Variants in RXFP1 observed in about 807,000 individuals in gnomAD.
The protein encoded by RXFP1 is relaxin family peptide receptor 1, also known as relaxin receptor 1.
Under a neutral mutation model 89.8 loss-of-function variants are expected in RXFP1, and 73 were observed. The observed-to-expected ratio is 0.81, with a 90% CI of 0.67 to 0.99. RXFP1 has a LOEUF of 0.99. Among genes scored for constraint, RXFP1 ranks in the 50% least tolerant of loss-of-function variants. RXFP1 has a pLI of 0.00. For synonymous variants in RXFP1, 277 were observed against 305.5 expected, an observed-to-expected ratio of 0.91 and a Z score of 0.97; for missense variants, 793 against 895.5, an observed-to-expected ratio of 0.89 and a Z score of 1.46.
At chr4:158,636,809 T>C (rs1201125198) in intron 12 of RXFP1, among the ~76,000 whole-genome samples, 2 of 152,222 alleles carry the variant, frequency 1.3e-5, no homozygotes, top group Non-Finnish European at 2.9e-5. Context: ...TACATTGTTA[T>C]TTGCTATAGT....
At chr4:158,532,909 G>A (rs1744402470) in intron 1 of RXFP1, among the ~76,000 whole-genome samples, 1 of 152,170 alleles carries the variant, frequency 6.6e-6, no homozygotes, top group Non-Finnish European at 1.5e-5. Flanking sequence ...TTTGAGACAA[G>A]AATCACTTCT....
At chr4:158,523,162 T>A (rs936094) in intron 1 of RXFP1, among the ~76,000 whole-genome samples, 1 of 152,086 alleles carries the variant, frequency 6.6e-6, no homozygotes, top group African/African-American at 2.4e-5. Flanking sequence ...AACAATAAAT[T>A]GCAAACCACC....
chr4:158,618,699 CT>C lies in RXFP1; in HGVS notation c.755+1495del, dbSNP rs201251330. Among the ~76,000 whole-genome samples the C allele has an allele frequency of 8.1e-3, 1,232 of 152,096 alleles. 12 individuals carry two copies. The highest frequency in any genetic ancestry group is 0.027 in the African/African-American group (1,130 of 41,514). On this transcript the variant is annotated intron_variant, in intron 9 of 17. Transcript: ENST00000307765. ...TTCTTGGCCAAACATCATTTTAACT[CT>C]GATTTAGGGGAAAAATACATACAAA...
rs1772925231 is a variant in RXFP1 at position 158,652,549 on chromosome 4, T to C, written c.*494T>C. The C allele has an allele frequency of 6.6e-6, 1 of 152,344 alleles. No homozygotes were observed. Among genetic ancestry groups the C allele is most frequent in the South Asian group, 2.1e-4 (1 of 4,836 alleles). 9.4% of individuals were successfully genotyped at this position (152,344 alleles called of 1,614,324 possible). ...TGGAATACTCAGTGTATTTGCATCA[T>C]AGAAAATGTCTGACTGTTTGCAAAA... On this transcript the variant is annotated 3_prime_UTR_variant, in exon 18 of 18. Transcript: ENST00000307765.
chr4:158,574,038 T>G (rs1051479828), intron 2 of RXFP1, among the ~76,000 whole-genome samples: 2 of 152,198 alleles, frequency 1.3e-5, no homozygotes, highest in African/African-American at 4.8e-5. Context: ...CTGGCCAATT[T>G]GAATATGGGA....
At chr4:158,626,116 A>C (rs978806794) in intron 9 of RXFP1, among the ~76,000 whole-genome samples, 55 of 23,886 alleles carry the variant, frequency 2.3e-3, no homozygotes, top group Non-Finnish European at 5.5e-3. Flanking sequence ...ATCTATATAG[A>C]TAGATAGATA....
At chr4:158,617,005 T>A (rs1764715379) in intron 8 of RXFP1, 126 bp from the exon 9 acceptor site, 36 of 569,346 alleles carry the variant, frequency 6.3e-5, no homozygotes, top group East Asian at 1.3e-4. Context: ...AAAAAAAAAA[T>A]TAGAAGGAAA....
At position 158,564,866 on chromosome 4, in the gene RXFP1, C is replaced by T. The variant is rs73860525; in HGVS notation, c.50-7832C>T. 3.9e-3 allele frequency among the ~76,000 whole-genome samples: 588 copies of T among 152,284 alleles called. 2 individuals are homozygous for T. The highest frequency in any genetic ancestry group is 0.013 in the African/African-American group (559 of 41,550). ...ATGGTTCCATGCTAAAAAGGAAATGCTTTTTGTTTTTTACTTTCCCAACGT... is the reference window on the plus strand; with the variant it reads ...ATGGTTCCATGCTAAAAAGGAAATGTTTTTTGTTTTTTACTTTCCCAACGT... On this transcript the variant is annotated intron_variant, in intron 1 of 17. Transcript: ENST00000307765.
intron 1 of RXFP1, among the ~76,000 whole-genome samples, chr4:158,559,757 T>A (rs1752064665): frequency 6.6e-6 from 1 of 152,202 alleles, no homozygotes; most frequent in Admixed American, 6.5e-5. Context: ...CAATGGCAAA[T>A]TGGTATCTTT....
chr4:158,561,412 C>T (rs1752396002), intron 1 of RXFP1, among the ~76,000 whole-genome samples: 1 of 152,060 alleles, frequency 6.6e-6, no homozygotes, highest in Non-Finnish European at 1.5e-5. Flanking sequence ...TGCATAAAAT[C>T]ATTTTAATAT....
rs930577489 is a variant in RXFP1, at chr4:158,605,152, T to A, written c.464+13T>A. On this transcript the variant is annotated intron_variant, in intron 5 of 17. Coordinates refer to ENST00000307765, the MANE Select transcript of RXFP1 (RefSeq NM_021634.4). The stretch of plus-strand genomic sequence containing the variant: ...ATCTTCAGAAGCTGTAAGAAAATAC[T>A]TAATTCCTGGTATTACAATTAACTA... 6.5e-7 allele frequency: 1 copy of A among 1,528,770 alleles called. No homozygotes were observed. The highest frequency in any genetic ancestry group is 9.0e-7 in the Non-Finnish European group (1 of 1,112,790). The allele number at this position is 1,528,770 out of a possible 1,614,324, so 94.7% of individuals were successfully genotyped here.
chr4:158,585,519 A>G (rs1003635129), intron 2 of RXFP1, among the ~76,000 whole-genome samples: 2 of 152,166 alleles, frequency 1.3e-5, no homozygotes, highest in Non-Finnish European at 2.9e-5. Context: ...GGTATGCCTC[A>G]CCCACTTTTC....
chr4:158,646,820 T>C lies in RXFP1; in HGVS notation c.1375T>C (p.Phe459Leu). Residue 459 changes from phenylalanine to leucine, a missense_variant, in exon 16 of 18, where the codon TTC becomes CTC. By Grantham distance (22) the Phe-to-Leu change is conservative. Coordinates refer to ENST00000307765, the MANE Select transcript of RXFP1 (RefSeq NM_021634.4). ...CGACTGCTTAATGGGAATATATTTATTCGTGATCGGAGGCTTTGACCTAAA... is the reference window on the plus strand; with the variant it reads ...CGACTGCTTAATGGGAATATATTTACTCGTGATCGGAGGCTTTGACCTAAA... ...CADCLMGIYL[F>L]VIGGFDLKFR... The C allele has an allele frequency of 6.2e-7, 1 of 1,613,530 alleles. No homozygotes were observed. The highest frequency in any genetic ancestry group is 8.5e-7 in the Non-Finnish European group (1 of 1,179,618).
Position 158,599,372 on chromosome 4 carries a change from T to C in RXFP1, c.333T>C (p.Leu111=), listed in dbSNP as rs1761247455. ...AATGTCTTTGCCAAGGTCTGGAGCT[T>C]GACTGTGATGAAACCAATTTACGAG... The part of the protein sequence containing the change: ...PVQCLCQGLE[L]DCDETNLRAV... Residue 111 remains leucine (L), a synonymous_variant, in exon 4 of 18, where the codon CTT becomes CTC. Coordinates refer to ENST00000307765, the MANE Select transcript of RXFP1 (RefSeq NM_021634.4). The C allele has an allele frequency of 6.2e-7, 1 of 1,613,782 alleles. No homozygotes were observed. Among genetic ancestry groups the C allele is most frequent in the Non-Finnish European group, 8.5e-7 (1 of 1,179,896 alleles).
intron 2 of RXFP1, among the ~76,000 whole-genome samples, chr4:158,578,248 A>G (rs950696855): frequency 1.3e-5 from 2 of 152,160 alleles, no homozygotes; most frequent in African/African-American, 4.8e-5. Context: ...GCCATGTGTC[A>G]CTAAACCATT....
chr4:158,593,411 T>A lies in RXFP1; in HGVS notation c.198T>A (p.Asn66Lys). The change falls in exon 3 of 18, where the codon AAT becomes AAA. Residue 66 changes from asparagine to lysine, a missense_variant. Physicochemically the swap from Asn to Lys is moderately conservative, Grantham distance 94. Coordinates refer to ENST00000307765, the MANE Select transcript of RXFP1 (RefSeq NM_021634.4). ...TGATTTTTATTTTAGGAGACAACAA[T>A]GGATGGTCTCTGCAATTTGACAAAT... is the stretch of plus-strand genomic sequence containing the variant. ...QADEDNCGDN[N>K]GWSLQFDKYF... is the part of the protein sequence containing the mutation. 1 of 1,607,302 alleles carries A rather than the reference T, an allele frequency of 6.2e-7. No individual in the cohort carries two copies. Among genetic ancestry groups the A allele is most frequent in the Non-Finnish European group, 8.5e-7 (1 of 1,175,150 alleles).
chr4:158,599,427 G>C lies in RXFP1; in HGVS notation c.388G>C (p.Ala130Pro). ...TCCATCGGTTTCTTCAAATGTGACT[G>C]CAATGTAAGTAGAAAAGAATTACTT... The part of the protein sequence containing the change: ...AVPSVSSNVT[A>P]MSLQWNLIRK... The change falls in exon 4 of 18, where the codon GCA (alanine) becomes CCA (proline). Residue 130 changes from alanine (A) to proline (P), a missense_variant. Coordinates refer to ENST00000307765, the MANE Select transcript of RXFP1 (RefSeq NM_021634.4). 1 of 1,612,178 alleles carries C rather than the reference G, an allele frequency of 6.2e-7. No homozygotes were observed. Among genetic ancestry groups the C allele is most frequent in the Non-Finnish European group, 8.5e-7 (1 of 1,178,802 alleles).
intron 1 of RXFP1, among the ~76,000 whole-genome samples, chr4:158,545,293 G>A (rs1478821404): frequency 1.3e-5 from 2 of 152,038 alleles, no homozygotes; most frequent in African/African-American, 2.4e-5. Flanking sequence ...TTTTGATGGG[G>A]TTGTTTGTTT....
At chr4:158,563,841 A>C (rs1752993027) in intron 1 of RXFP1, among the ~76,000 whole-genome samples, 1 of 148,624 alleles carries the variant, frequency 6.7e-6, no homozygotes, top group Non-Finnish European at 1.5e-5. Context: ...TAACATTATA[A>C]TGTTATAACA....
Sources: allele counts gnomAD v4.1 joint callset (sites outside exome capture counted in the v4.1 genomes callset), GRCh38; gene constraint gnomAD v4.1.1; transcripts MANE v1.5; gene names NCBI Gene and HGNC (gene_info 2026-07-23, HGNC 2026-07-21).